DSC1: variants seen among roughly 807,000 people sequenced by gnomAD.
DSC1 encodes desmocollin-1.
In DSC1, 79 loss-of-function variants were observed where a neutral mutation model predicts 98.8. The observed-to-expected ratio is 0.80, with a 90% CI of 0.67 to 0.96. The LOEUF is 0.96. DSC1 is among the 50% of genes least tolerant of loss of function. The pLI, the probability that DSC1 is intolerant of heterozygous loss-of-function variation, is 0.00. For missense variants in DSC1, 1,115 were observed against 1,075.9 expected (o/e 1.04, Z -0.51); for synonymous variants, 405 against 372.1 (o/e 1.09, Z -1.02).
intron 3 of DSC1, among the ~76,000 whole-genome samples, chr18:31,157,067 CCT>C (rs371472788): frequency 1.3e-5 from 2 of 152,184 alleles, no homozygotes; most frequent in African/African-American, 4.8e-5. Flanking sequence ...TAGACCCGCC[CCT>C]GTCTTGTCCT....
chr18:31,138,797 C>T (rs1402192530), intron 11 of DSC1, among the ~76,000 whole-genome samples: 2 of 151,142 alleles, frequency 1.3e-5, no homozygotes, highest in Non-Finnish European at 2.9e-5. Flanking sequence ...TTGTTTTGAA[C>T]ATCCAGCATA....
intron 5 of DSC1, among the ~76,000 whole-genome samples, chr18:31,150,348 C>CCACCACCATCAT (rs1598625724): frequency 0.038 from 309 of 8,232 alleles, 3 homozygotes; most frequent in South Asian, 0.11. Context: ...ACCATCACCA[C>CCACCACCATCAT]CACCACCACC....
intron 2 of DSC1, among the ~76,000 whole-genome samples, chr18:31,159,047 G>GTTTTTTTT (rs560889140): frequency 9.8e-5 from 7 of 71,072 alleles, no homozygotes; most frequent in East Asian, 5.5e-4. Flanking sequence ...CTACTATGTG[G>GTTTTTTTT]TTTTTTTTTT....
Position 31,152,097 on chromosome 18 carries a change from G to T in DSC1, c.627+2677C>A, listed in dbSNP as rs562554286. Among the ~76,000 whole-genome samples the T allele has an allele frequency of 2.6e-5, 4 of 152,228 alleles. No individual in the cohort carries two copies. The South Asian group carries it at 6.2e-4, about 24-fold the overall frequency. On this transcript the variant is annotated intron_variant, in intron 5 of 15. Transcript: ENST00000257198. ...GAATTGCTTGAACTCAGAAGGCAGAGGTTGCAGTGAGCCGAGATCGGATTA... is the reference window on the plus strand; with the variant it reads ...GAATTGCTTGAACTCAGAAGGCAGATGTTGCAGTGAGCCGAGATCGGATTA...
chr18:31,130,676 T>C lies in DSC1; in HGVS notation c.2523A>G (p.Lys841=). Residue 841 remains lysine (K), a synonymous_variant, in exon 16 of 16, where the codon AAA becomes AAG. Coordinates refer to ENST00000257198, the MANE Select transcript of DSC1 (RefSeq NM_024421.2). The part of the protein sequence containing the change: ...VYLCGQDEEH[K]HCEDYVCSYN... Reference sequence around the variant, plus strand: ...ACGAACAAACGTAGTCTTCACAATGTTTATGCTCCTCATCTTGTCCACACA... The same window carrying C: ...ACGAACAAACGTAGTCTTCACAATGCTTATGCTCCTCATCTTGTCCACACA... 1 of 1,614,164 alleles carries C rather than the reference T, an allele frequency of 6.2e-7. No homozygotes were observed. Among genetic ancestry groups the C allele is most frequent in the South Asian group, 1.1e-5 (1 of 91,082 alleles).
chr18:31,158,021 C>T (rs1410587758), intron 2 of DSC1, among the ~76,000 whole-genome samples: 2 of 152,172 alleles, frequency 1.3e-5, no homozygotes, highest in African/African-American at 4.8e-5. Context: ...GTAATCCCAG[C>T]AGTTTGGGAG....
At position 31,139,739 on chromosome 18, in the gene DSC1, G is replaced by T; in HGVS notation, c.1663+9C>A. 1 of 1,566,018 alleles carries T rather than the reference G, an allele frequency of 6.4e-7. No individual in the cohort carries two copies. Among genetic ancestry groups the T allele is most frequent in the South Asian group, 1.2e-5 (1 of 82,724 alleles). On this transcript the variant is annotated intron_variant, in intron 11 of 15. Transcript: ENST00000257198. The stretch of plus-strand genomic sequence containing the variant: ...TATTTATATTTTATCTGTAGAAAAT[G>T]GCACTCACCTGCATCCACTGCAACA...
At chr18:31,143,834 C>T in intron 7 of DSC1, 43 bp from the exon 8 acceptor site, 7 of 1,466,890 alleles carry the variant, frequency 4.8e-6, no homozygotes, top group Non-Finnish European at 5.4e-6. Flanking sequence ...ACTTTTATTT[C>T]CTATAACTTG....
intron 1 of DSC1, 35 bp downstream of exon 1, chr18:31,162,497 T>A: frequency 3.7e-6 from 6 of 1,605,766 alleles, no homozygotes; most frequent in Non-Finnish European, 5.1e-6. Context: ...GGTAGTAACA[T>A]GCTTGAATTC....
At chr18:31,148,667 A>G (rs771044943) in intron 5 of DSC1, 25 bp from the exon 6 acceptor site, 25 of 1,537,140 alleles carry the variant, frequency 1.6e-5, no homozygotes, top group Admixed American at 1.1e-4. Context: ...AATACCATCA[A>G]TGTATTCTCA....
At chr18:31,140,396 T>TG in intron 9 of DSC1, 95 bp from the exon 10 acceptor site, 3 of 1,309,034 alleles carry the variant, frequency 2.3e-6, no homozygotes, top group South Asian at 1.6e-5. Context: ...CATTTTTACA[T>TG]TTAAAATGTA....
chr18:31,157,551 C>T lies in DSC1; in HGVS notation c.171G>A (p.Lys57=). Residue 57 remains lysine, a synonymous_variant, in exon 3 of 16, where the codon AAG becomes AAA. Coordinates refer to ENST00000257198, the MANE Select transcript of DSC1 (RefSeq NM_024421.2). ...VGKVNLEECL[K]SASLIRSSDP... ...CACTGGACCGGATTAGGCTGGCCGA[C>T]TTGAGACACTCCTCCAGATTCACTG... 1 of 1,614,194 alleles carries T rather than the reference C, an allele frequency of 6.2e-7. No homozygotes were observed. The highest frequency in any genetic ancestry group is 1.1e-5 in the South Asian group (1 of 91,084).
intron 10 of DSC1, 54 bp downstream of exon 10, chr18:31,139,988 A>T (rs1200068880): frequency 6.4e-7 from 1 of 1,573,054 alleles, no homozygotes; most frequent in Non-Finnish European, 8.6e-7. Flanking sequence ...TCATAACTTT[A>T]AAAACAATTT....
At position 31,132,604 on chromosome 18, in the gene DSC1, A is replaced by C. The variant is rs1805543706; in HGVS notation, c.2202T>G (p.Ile734Met). 1 of 1,613,474 alleles carries C rather than the reference A, an allele frequency of 6.2e-7. No individual in the cohort carries two copies. Among genetic ancestry groups the C allele is most frequent in the South Asian group, 1.1e-5 (1 of 91,066 alleles). The part of the protein sequence containing the change: ...FPEDIAQQNL[I>M]VSNTEGPGEE... ...CTCCAGGTCCTTCAGTATTTGATAC[A>C]ATTAAATTTTGCTGGGCTATGTCTT... Residue 734 changes from isoleucine to methionine, a missense_variant, in exon 14 of 16, where the codon ATT becomes ATG. Ile to Met is a conservative substitution (Grantham distance 10). Transcript: ENST00000257198.
Position 31,132,679 on chromosome 18 carries a change from A to G in DSC1, c.2127T>C (p.Phe709=). The change falls in exon 14 of 16, where the codon TTT becomes TTC. Residue 709 remains phenylalanine (F), a synonymous_variant. Coordinates refer to ENST00000257198, the MANE Select transcript of DSC1 (RefSeq NM_024421.2). The part of the protein sequence containing the change: ...LGSVLLLCIL[F]TCFCVTAKRT... ...TCTTAGCAGTGACACAGAAACATGTAAACAGAATACCTAAAAAGCAAAAAA... is the reference window on the plus strand; with the variant it reads ...TCTTAGCAGTGACACAGAAACATGTGAACAGAATACCTAAAAAGCAAAAAA... The G allele has an allele frequency of 6.2e-7, 1 of 1,612,350 alleles. No individual in the cohort carries two copies. The highest frequency in any genetic ancestry group is 1.1e-5 in the South Asian group (1 of 90,872).
At chr18:31,137,122 C>A (rs1988626850) in intron 11 of DSC1, among the ~76,000 whole-genome samples, 1 of 149,434 alleles carries the variant, frequency 6.7e-6, no homozygotes, top group Non-Finnish European at 1.5e-5. Flanking sequence ...TAACTAGAAT[C>A]ACTGTATTAT....
intron 7 of DSC1, 99 bp from the exon 8 acceptor site, chr18:31,143,890 T>C: frequency 1.2e-6 from 1 of 860,892 alleles, no homozygotes; most frequent in Non-Finnish European, 1.6e-6. Context: ...GTACAAATAT[T>C]CTTTTTTACT....
chr18:31,143,124 CAA>C (rs1491350841), intron 8 of DSC1, among the ~76,000 whole-genome samples: 9 of 151,038 alleles, frequency 6.0e-5, no homozygotes, highest in East Asian at 5.8e-4. Context: ...TATGTGTACA[CAA>C]ACACACACAT....
Position 31,130,718 on chromosome 18 carries a change from C to CA in DSC1, c.2488-8dup, listed in dbSNP as rs1411027199. The stretch of plus-strand genomic sequence containing the variant: ...GTCCACACAAATACACCTTCTGTAT[C>CA]AAAAAAGAGCACATTTTATTATTTT... On this transcript the variant is annotated splice_region_variant and splice_polypyrimidine_tract_variant and intron_variant, in intron 15 of 15. Coordinates refer to ENST00000257198, the MANE Select transcript of DSC1 (RefSeq NM_024421.2). 15 of 1,611,192 alleles carry CA rather than the reference C, an allele frequency of 9.3e-6. No individual in the cohort carries two copies. The highest frequency in any genetic ancestry group is 1.3e-5 in the Non-Finnish European group (15 of 1,179,294).
Sources: allele counts gnomAD v4.1 joint callset (sites outside exome capture counted in the v4.1 genomes callset), GRCh38; gene constraint gnomAD v4.1.1; transcripts MANE v1.5; gene names NCBI Gene and HGNC (gene_info 2026-07-23, HGNC 2026-07-21).